The following EPHA7 variants were observed in gnomAD, a reference collection of about 807,000 sequenced individuals.
EPHA7 encodes the protein ephrin type-A receptor 7.
A neutral mutation model predicts 112.6 loss-of-function variants in EPHA7; 25 were observed. The ratio of observed to expected loss-of-function variants is 0.22; its 90% CI spans 0.16 to 0.31. EPHA7 has a LOEUF of 0.31. EPHA7 is among the 10% of genes least tolerant of loss of function. EPHA7 has a pLI of 1.00. For synonymous variants in EPHA7, 437 were observed against 406.5 expected (o/e 1.07, Z -0.90); for missense variants, 962 against 1,212.6 (o/e 0.79, Z 3.07).
chr6:93,361,693 C>T (rs1275094166), intron 3 of EPHA7, among the ~76,000 whole-genome samples: 1 of 152,104 alleles, frequency 6.6e-6, no homozygotes, highest in East Asian at 1.9e-4. Flanking sequence ...CCTTCTGAAA[C>T]CTTAAATTCC....
intron 5 of EPHA7, among the ~76,000 whole-genome samples, chr6:93,343,491 G>T (rs1156934093): frequency 4.0e-5 from 6 of 151,744 alleles, no homozygotes; most frequent in African/African-American, 2.4e-5. Flanking sequence ...ATCTGTCAGA[G>T]AATTATCTGT....
chr6:93,311,699 C>T (rs539676346), intron 5 of EPHA7, among the ~76,000 whole-genome samples: 2 of 152,210 alleles, frequency 1.3e-5, no homozygotes, highest in Admixed American at 6.5e-5. Context: ...TAATGGCATA[C>T]GGAATGGTGA....
At chr6:93,302,858 A>G (rs1257293696) in intron 5 of EPHA7, among the ~76,000 whole-genome samples, 2 of 152,128 alleles carry the variant, frequency 1.3e-5, no homozygotes, top group African/African-American at 4.8e-5. Flanking sequence ...CCACACTTAA[A>G]GCACAGAAAA....
At chr6:93,337,485 T>C (rs1774933105) in intron 5 of EPHA7, among the ~76,000 whole-genome samples, 1 of 152,184 alleles carries the variant, frequency 6.6e-6, no homozygotes, top group Non-Finnish European at 1.5e-5. Context: ...TGTGCTGTAT[T>C]TTGTTTACAA....
intron 3 of EPHA7, among the ~76,000 whole-genome samples, chr6:93,402,080 C>T (rs1778460060): frequency 6.6e-6 from 1 of 151,934 alleles, no homozygotes; most frequent in Non-Finnish European, 1.5e-5. Context: ...CATATACTTC[C>T]CAATGCTAGG....
At chr6:93,369,452 A>T (rs1776676632) in intron 3 of EPHA7, among the ~76,000 whole-genome samples, 1 of 152,212 alleles carries the variant, frequency 6.6e-6, no homozygotes, top group Non-Finnish European at 1.5e-5. Context: ...ATTGTCTGTT[A>T]AAACAAACTC....
chr6:93,297,917 T>C (rs1178102327), intron 5 of EPHA7, among the ~76,000 whole-genome samples: 1 of 152,146 alleles, frequency 6.6e-6, no homozygotes, highest in Non-Finnish European at 1.5e-5. Flanking sequence ...TAATTGCCCA[T>C]TGATTAGAGA....
intron 12 of EPHA7, among the ~76,000 whole-genome samples, chr6:93,256,854 TTC>T (rs1164608637): frequency 1.3e-5 from 2 of 152,150 alleles, no homozygotes; most frequent in Non-Finnish European, 2.9e-5. Flanking sequence ...ACTTTGCATG[TTC>T]TCTTTTTCTT....
intron 3 of EPHA7, among the ~76,000 whole-genome samples, chr6:93,360,686 T>C (rs1192461840): frequency 6.6e-6 from 1 of 152,166 alleles, no homozygotes; most frequent in African/African-American, 2.4e-5. Flanking sequence ...AGAATCTATA[T>C]GATACTAATG....
intron 3 of EPHA7, among the ~76,000 whole-genome samples, chr6:93,382,475 A>G (rs1173732069): frequency 6.6e-6 from 1 of 152,160 alleles, no homozygotes; most frequent in Non-Finnish European, 1.5e-5. Context: ...AGTTCATAAC[A>G]GGCCAGTGAC....
chr6:93,412,743 T>G (rs943578070), intron 2 of EPHA7, among the ~76,000 whole-genome samples: 2 of 152,002 alleles, frequency 1.3e-5, no homozygotes, highest in African/African-American at 4.8e-5. Flanking sequence ...AGTAATGATA[T>G]CTACCAAAAA....
chr6:93,369,764 G>T (rs1776693985), intron 3 of EPHA7, among the ~76,000 whole-genome samples: 1 of 152,152 alleles, frequency 6.6e-6, no homozygotes, highest in South Asian at 2.1e-4. Context: ...CCAGCACATA[G>T]CAGGAGGTTA....
intron 5 of EPHA7, among the ~76,000 whole-genome samples, chr6:93,311,643 ATTGATG>A (rs138294513): frequency 1.5e-3 from 222 of 152,244 alleles, no homozygotes; most frequent in Middle Eastern, 0.01. Flanking sequence ...CCTAACTCCT[ATTGATG>A]TTGAAAATTT....
chr6:93,258,961 C>G (rs73530336), intron 10 of EPHA7, among the ~76,000 whole-genome samples: 1 of 151,380 alleles, frequency 6.6e-6, no homozygotes, highest in Non-Finnish European at 1.5e-5. Flanking sequence ...CCTACAAATA[C>G]AAGAGAAAAG....
chr6:93,337,141 G>T (rs995054157), intron 5 of EPHA7, among the ~76,000 whole-genome samples: 1 of 152,074 alleles, frequency 6.6e-6, no homozygotes, highest in Non-Finnish European at 1.5e-5. Flanking sequence ...TTTCAAATCC[G>T]CAATTCAAAG....
intron 14 of EPHA7, among the ~76,000 whole-genome samples, chr6:93,247,956 T>C (rs1299862909): frequency 6.6e-6 from 1 of 151,940 alleles, no homozygotes; most frequent in East Asian, 1.9e-4. Context: ...AACCTGAAAA[T>C]GTTCCAAATC....
Position 93,242,436 on chromosome 6 carries a change from T to C in EPHA7, c.*990A>G, listed in dbSNP as rs1364789744. ...GGATATAAAATATATGTCAACTATT[T>C]ATCCTAAATTTCCTAATGTCACGAG... On this transcript the variant is annotated 3_prime_UTR_variant, in exon 17 of 17. Coordinates refer to ENST00000369303, the MANE Select transcript of EPHA7 (RefSeq NM_004440.4). 5.7e-5 allele frequency: 11 copies of C among 193,856 alleles called. No homozygotes were observed. The Admixed American group carries it at 6.7e-4, about 12-fold the overall frequency. The allele number at this position is 193,856 out of a possible 1,614,324, so 12.0% of individuals were successfully genotyped here. A position where few individuals can be genotyped will look rare whatever the true frequency, so the allele number is the denominator to read the frequency against.
intron 14 of EPHA7, among the ~76,000 whole-genome samples, chr6:93,251,879 C>G (rs547652971): frequency 2.6e-5 from 4 of 152,074 alleles, no homozygotes; most frequent in African/African-American, 9.6e-5. Flanking sequence ...ATTTGGAAAG[C>G]TCAACCTCTT....
intron 5 of EPHA7, among the ~76,000 whole-genome samples, chr6:93,353,427 T>C (rs1412327091): frequency 1.3e-5 from 2 of 152,188 alleles, no homozygotes; most frequent in African/African-American, 2.4e-5. Context: ...TATCATAAGA[T>C]AATTGATAAC....
Sources: allele counts gnomAD v4.1 joint callset (sites outside exome capture counted in the v4.1 genomes callset), GRCh38; gene constraint gnomAD v4.1.1; transcripts MANE v1.5; gene names NCBI Gene and HGNC (gene_info 2026-07-23, HGNC 2026-07-21).